Variants in FAM227B observed in about 807,000 individuals in gnomAD.
The protein encoded by FAM227B is protein FAM227B.
Under a neutral mutation model 73.8 loss-of-function variants are expected in FAM227B, and 88 were observed. That is an observed-to-expected ratio of 1.19 (90% CI 1.00 to 1.42). The LOEUF is 1.42. Among genes scored for constraint, FAM227B ranks in the 40% most tolerant of loss-of-function variants. FAM227B has a pLI of 0.00. For synonymous variants in FAM227B, 210 were observed against 190.5 expected, an observed-to-expected ratio of 1.10 and a Z score of -0.84; for missense variants, 632 against 590.9, an observed-to-expected ratio of 1.07 and a Z score of -0.72.
intron 4 of FAM227B, among the ~76,000 whole-genome samples, chr15:49,588,995 CTT>C (rs1265153683): frequency 6.6e-6 from 1 of 151,792 alleles, no homozygotes; most frequent in Admixed American, 6.6e-5. Context: ...ATTTCCAAGA[CTT>C]ATATATATGA....
At chr15:49,352,950 G>C (rs750022278) in intron 13 of FAM227B, among the ~76,000 whole-genome samples, 4 of 152,134 alleles carry the variant, frequency 2.6e-5, no homozygotes, top group Non-Finnish European at 5.9e-5. Flanking sequence ...ATTAAACTTA[G>C]CTTTGCTTGG....
chr15:49,523,381 C>A (rs59363185), intron 10 of FAM227B, among the ~76,000 whole-genome samples: 6 of 151,960 alleles, frequency 3.9e-5, no homozygotes, highest in African/African-American at 1.5e-4. Context: ...GGAGTTTCCC[C>A]GCACAAGCTC....
At chr15:49,514,784 T>C (rs774818351) in intron 10 of FAM227B, among the ~76,000 whole-genome samples, 13 of 152,128 alleles carry the variant, frequency 8.5e-5, no homozygotes, top group Non-Finnish European at 1.8e-4. Flanking sequence ...TCAAGATTTT[T>C]CTTTTATGCA....
rs1290307266 is a variant in FAM227B at position 49,582,190 on chromosome 15, C to T, written c.406-4526G>A. 1.3e-5 allele frequency among the ~76,000 whole-genome samples: 2 copies of T among 152,078 alleles called. 1 individual carries two copies. Among genetic ancestry groups the T allele is most frequent in the Non-Finnish European group, 2.9e-5 (2 of 68,012 alleles). On this transcript the variant is annotated intron_variant, in intron 5 of 15. Coordinates refer to ENST00000299338, the MANE Select transcript of FAM227B (RefSeq NM_152647.3). The stretch of plus-strand genomic sequence containing the variant: ...CCCGTTAAAAGGCACAGAGTGGAAA[C>T]CTGGATAAAGAACCAAGATCCACTA...
rs111712784 is a variant in FAM227B at position 49,590,138 on chromosome 15, T to C, written c.106-131A>G. On this transcript the variant is annotated intron_variant, in intron 3 of 15. Transcript: ENST00000299338. The stretch of plus-strand genomic sequence containing the variant: ...TTGTTTTTTATCACTTTTTAAAAAT[T>C]TGAAACAATCACAAACGTCAGAAAA... The C allele has an allele frequency of 0.013, 7,877 of 596,434 alleles. 83 individuals are homozygous for C. The highest frequency in any genetic ancestry group is 0.027 in the African/African-American group (1,426 of 52,652). The allele number at this position is 596,434 out of a possible 1,614,324, so 36.9% of individuals were successfully genotyped here.
At chr15:49,514,516 C>T (rs2059251031) in intron 10 of FAM227B, among the ~76,000 whole-genome samples, 1 of 152,080 alleles carries the variant, frequency 6.6e-6, no homozygotes, top group Admixed American at 6.6e-5. Context: ...ATGTGGTTTT[C>T]TAAATATAGG....
At chr15:49,535,588 T>A (rs770771215) in intron 10 of FAM227B, among the ~76,000 whole-genome samples, 2 of 151,796 alleles carry the variant, frequency 1.3e-5, no homozygotes, top group Non-Finnish European at 3.0e-5. Flanking sequence ...ATCACCTTCG[T>A]ACTGAAACCA....
At chr15:49,372,317 C>T (rs917717580) in intron 11 of FAM227B, among the ~76,000 whole-genome samples, 3 of 152,100 alleles carry the variant, frequency 2.0e-5, no homozygotes, top group East Asian at 1.9e-4. Flanking sequence ...ATGTCATCCT[C>T]GCAAACCATT....
At chr15:49,333,651 A>G (rs898809612) in intron 14 of FAM227B, among the ~76,000 whole-genome samples, 2 of 152,194 alleles carry the variant, frequency 1.3e-5, no homozygotes, top group African/African-American at 4.8e-5. Flanking sequence ...CTAGCTTTAT[A>G]AGTTCTAAAA....
At chr15:49,354,048 GTTCT>G (rs1448231112) in intron 13 of FAM227B, 27 of 152,276 alleles carry the variant, frequency 1.8e-4, no homozygotes, top group Admixed American at 1.7e-3. Flanking sequence ...GAGTCTCAGA[GTTCT>G]TTTTTTCACT....
rs141663991 is a variant in FAM227B at position 49,348,896 on chromosome 15, T to A, written c.1272-13400A>T. ...GATACAAATGTGGCTTTACCACATT[T>A]CTCCTAAATTGAACAAACCAACCTA... On this transcript the variant is annotated intron_variant, in intron 13 of 15. Transcript: ENST00000299338. Among the ~76,000 whole-genome samples, 4 of 152,262 alleles carry A rather than the reference T, an allele frequency of 2.6e-5. No individual in the cohort carries two copies. The East Asian group carries it at 7.7e-4, about 29-fold the overall frequency.
chr15:49,354,336 G>A (rs540526837), intron 13 of FAM227B, among the ~76,000 whole-genome samples: 50 of 152,300 alleles, frequency 3.3e-4, no homozygotes, highest in East Asian at 9.7e-4. Flanking sequence ...CTGAGGTACC[G>A]GGTTCATCTC....
chr15:49,459,931 T>G (rs1167637985), intron 11 of FAM227B, among the ~76,000 whole-genome samples: 1 of 152,172 alleles, frequency 6.6e-6, no homozygotes, highest in Non-Finnish European at 1.5e-5. Flanking sequence ...TTAGAGACAT[T>G]TCTTTTCTTC....
At chr15:49,413,830 T>A (rs2049033017) in intron 11 of FAM227B, among the ~76,000 whole-genome samples, 1 of 151,406 alleles carries the variant, frequency 6.6e-6, no homozygotes, top group African/African-American at 2.4e-5. Context: ...CATTTTCACC[T>A]CAGAACTTTT....
At chr15:49,605,996 A>G (rs74012431) in intron 3 of FAM227B, among the ~76,000 whole-genome samples, 3,000 of 152,136 alleles carry the variant, frequency 0.02, 121 homozygotes, top group African/African-American at 0.069. Flanking sequence ...TGCTCACTTC[A>G]TTCTCCTTTC....
intron 11 of FAM227B, among the ~76,000 whole-genome samples, chr15:49,504,973 T>C (rs1416257952): frequency 6.6e-6 from 1 of 152,168 alleles, no homozygotes; most frequent in Non-Finnish European, 1.5e-5. Context: ...GTATTTATAA[T>C]AGCCAAATAC....
intron 3 of FAM227B, among the ~76,000 whole-genome samples, chr15:49,598,370 A>C (rs2077001791): frequency 6.6e-6 from 1 of 151,954 alleles, no homozygotes; most frequent in Admixed American, 6.6e-5. Context: ...GAATCTTTAG[A>C]GTTTTGTGTA....
intron 3 of FAM227B, among the ~76,000 whole-genome samples, chr15:49,591,747 A>G (rs575489538): frequency 6.6e-6 from 1 of 151,848 alleles, no homozygotes; most frequent in Non-Finnish European, 1.5e-5. Context: ...GGCCTCCCAA[A>G]ATGCTGCGAT....
intron 3 of FAM227B, among the ~76,000 whole-genome samples, chr15:49,590,431 C>T (rs945849952): frequency 2.0e-5 from 3 of 152,082 alleles, no homozygotes; most frequent in Non-Finnish European, 2.9e-5. Flanking sequence ...TAAGTTTTGG[C>T]TTCATGTCTC....
Sources: gnomAD v4.1 joint callset for allele counts (sites outside exome capture counted in the v4.1 genomes callset) on GRCh38, gnomAD v4.1.1 for gene constraint, MANE v1.5 for transcripts, NCBI Gene and HGNC (gene_info 2026-07-23, HGNC 2026-07-21) for gene names.